ANO4: variants seen among roughly 807,000 people sequenced by gnomAD.
ANO4 encodes the protein anoctamin-4.
A neutral mutation model predicts 141.9 loss-of-function variants in ANO4; 69 were observed. The ratio of observed to expected loss-of-function variants is 0.49; its 90% CI spans 0.40 to 0.59. The LOEUF (loss-of-function observed/expected upper bound fraction) is 0.59, where lower values mean the gene tolerates loss of function less well. Among genes scored for constraint, ANO4 ranks in the 20% least tolerant of loss-of-function variants. ANO4 has a pLI of 0.00. For missense variants in ANO4, 894 were observed against 1,162.2 expected, an observed-to-expected ratio of 0.77 and a Z score of 3.36; for synonymous variants, 350 against 394.3, an observed-to-expected ratio of 0.89 and a Z score of 1.33.
chr12:100,788,789 C>T (rs556215946), intron 3 of ANO4, among the ~76,000 whole-genome samples: 7 of 151,324 alleles, frequency 4.6e-5, no homozygotes, highest in Non-Finnish European at 8.8e-5. Context: ...CTGAGTGGAG[C>T]GTACATGATA....
chr12:101,012,911 T>C (rs2046159429), intron 8 of ANO4, among the ~76,000 whole-genome samples: 1 of 152,166 alleles, frequency 6.6e-6, no homozygotes, highest in Non-Finnish European at 1.5e-5. Context: ...CAAGGATGCA[T>C]CTCAAGTTTG....
At chr12:100,917,779 C>G (rs1335437179) in intron 2 of ANO4, among the ~76,000 whole-genome samples, 1 of 152,094 alleles carries the variant, frequency 6.6e-6, no homozygotes, top group African/African-American at 2.4e-5. Context: ...AGAAAAATAT[C>G]TTATATTTGG....
At chr12:101,060,328 A>G (rs1593157264) in intron 14 of ANO4, among the ~76,000 whole-genome samples, 1 of 152,172 alleles carries the variant, frequency 6.6e-6, no homozygotes, top group Non-Finnish European at 1.5e-5. Context: ...AATAAGTGCA[A>G]TGTAGTGCTG....
At chr12:101,051,632 C>T (rs1162713227) in intron 14 of ANO4, among the ~76,000 whole-genome samples, 1 of 152,170 alleles carries the variant, frequency 6.6e-6, no homozygotes, top group African/African-American at 2.4e-5. Context: ...CAGTCCTAAG[C>T]ATTGCCCATG....
At chr12:100,889,976 A>G (rs1401163051) in intron 1 of ANO4, among the ~76,000 whole-genome samples, 1 of 152,190 alleles carries the variant, frequency 6.6e-6, no homozygotes, top group African/African-American at 2.4e-5. Context: ...CTAACCTATC[A>G]GTGGACCATA....
chr12:101,005,201 G>A (rs943239897), intron 8 of ANO4, among the ~76,000 whole-genome samples: 13 of 152,118 alleles, frequency 8.5e-5, no homozygotes, highest in African/African-American at 3.1e-4. Flanking sequence ...TTACAGTAGT[G>A]CCCTAATTAG....
intron 18 of ANO4, among the ~76,000 whole-genome samples, chr12:101,096,291 G>A (rs1404313808): frequency 6.6e-6 from 1 of 152,152 alleles, no homozygotes; most frequent in Non-Finnish European, 1.5e-5. Context: ...AACAGTCTAG[G>A]TATTCAATTC....
intron 14 of ANO4, among the ~76,000 whole-genome samples, chr12:101,056,712 C>A (rs182473784): frequency 1.1e-3 from 171 of 151,886 alleles, no homozygotes; most frequent in Non-Finnish European, 2.0e-3. Flanking sequence ...ATGATAGAAA[C>A]CACAGGTTTT....
At chr12:101,033,943 A>G (rs555581195) in intron 9 of ANO4, among the ~76,000 whole-genome samples, 2 of 152,344 alleles carry the variant, frequency 1.3e-5, no homozygotes, top group South Asian at 2.1e-4. Context: ...ATGAGATACC[A>G]TCTAACACCA....
At chr12:100,942,614 T>G in intron 5 of ANO4, 79 bp downstream of exon 5, 1 of 1,420,462 alleles carries the variant, frequency 7.0e-7, no homozygotes, top group Non-Finnish European at 9.5e-7. Context: ...AAGCAAGCAG[T>G]CTTAATGTTA....
intron 5 of ANO4, among the ~76,000 whole-genome samples, chr12:100,962,770 C>T (rs1348170226): frequency 6.6e-6 from 1 of 152,108 alleles, no homozygotes; most frequent in Non-Finnish European, 1.5e-5. Context: ...TCTCTCTGAC[C>T]TCTAGGCTCT....
intron 3 of ANO4, among the ~76,000 whole-genome samples, chr12:100,936,642 C>T (rs1322679146): frequency 6.6e-6 from 1 of 152,084 alleles, no homozygotes; most frequent in African/African-American, 2.4e-5. Context: ...TCCTTGTTCC[C>T]CCTTTATCTC....
At position 100,753,573 on chromosome 12, in the gene ANO4, G is replaced by C. The variant is rs147479055; in HGVS notation, c.358+13468G>C. 4.7e-3 allele frequency among the ~76,000 whole-genome samples: 709 copies of C among 152,204 alleles called. 4 individuals carry two copies. The highest frequency in any genetic ancestry group is 6.5e-3 in the Non-Finnish European group (445 of 68,004). ...GAAGGCAGACACTTGCAGGCAGCCT[G>C]CTCTGCCAATATCTGAGATGTGCCT... is the stretch of plus-strand genomic sequence containing the variant. On this transcript the variant is annotated intron_variant, in intron 3 of 29. Coordinates refer to the ANO4 transcript ENST00000644049.
chr12:100,978,388 C>T (rs1488207937), intron 7 of ANO4, among the ~76,000 whole-genome samples: 2 of 152,150 alleles, frequency 1.3e-5, no homozygotes, highest in East Asian at 3.8e-4. Flanking sequence ...TAAAAGAAAA[C>T]AGTGATAAAA....
chr12:100,990,111 A>G (rs1408136608), intron 8 of ANO4, among the ~76,000 whole-genome samples: 1 of 152,128 alleles, frequency 6.6e-6, no homozygotes, highest in African/African-American at 2.4e-5. Flanking sequence ...AGTAAGTGGT[A>G]TACACTCTGG....
intron 1 of ANO4, among the ~76,000 whole-genome samples, chr12:100,880,291 G>A (rs17404671): frequency 0.098 from 14,974 of 152,216 alleles, 850 homozygotes; most frequent in South Asian, 0.16. Flanking sequence ...AGTAATAGCA[G>A]TGGTAGTAAT....
chr12:100,843,116 G>T (rs2135818462), intron 1 of ANO4, among the ~76,000 whole-genome samples: 1 of 152,070 alleles, frequency 6.6e-6, no homozygotes, highest in South Asian at 2.1e-4. Context: ...GGAAAATCTG[G>T]GTTCAAGTCC....
intron 1 of ANO4, among the ~76,000 whole-genome samples, chr12:100,836,379 A>G (rs920585614): frequency 4.6e-5 from 7 of 152,096 alleles, no homozygotes; most frequent in Non-Finnish European, 1.0e-4. Context: ...TCTAGGGTAC[A>G]TGTGCACAAC....
At chr12:100,774,247 A>T (rs899032313) in intron 3 of ANO4, among the ~76,000 whole-genome samples, 1 of 152,222 alleles carries the variant, frequency 6.6e-6, no homozygotes, top group Admixed American at 6.5e-5. Context: ...TAATTATAAC[A>T]TTCAAAAATA....
Sources: allele counts gnomAD v4.1 joint callset (sites outside exome capture counted in the v4.1 genomes callset), GRCh38; gene constraint gnomAD v4.1.1; transcripts MANE v1.5; gene names NCBI Gene and HGNC (gene_info 2026-07-23, HGNC 2026-07-21).